The following TRAPPC9 variants were observed in gnomAD, a reference collection of about 807,000 sequenced individuals.
The protein encoded by TRAPPC9 is trafficking protein particle complex subunit 9, also known as IKK2 binding protein.
In TRAPPC9, 83 loss-of-function variants were observed where a neutral mutation model predicts 124.0. That is an observed-to-expected ratio of 0.67 (90% CI 0.56 to 0.80). The LOEUF is 0.80. TRAPPC9 is among the 30% of genes least tolerant of loss of function. The pLI, the probability that TRAPPC9 is intolerant of heterozygous loss-of-function variation, is 0.00. For missense variants in TRAPPC9, 1,302 were observed against 1,508.3 expected, an observed-to-expected ratio of 0.86 and a Z score of 2.27; for synonymous variants, 638 against 617.5, an observed-to-expected ratio of 1.03 and a Z score of -0.49.
At chr8:140,377,391 C>T (rs1354922706) in intron 7 of TRAPPC9, among the ~76,000 whole-genome samples, 1 of 152,126 alleles carries the variant, frequency 6.6e-6, no homozygotes, top group East Asian at 1.9e-4. Flanking sequence ...CTCTGCCTCC[C>T]AGGTTCAAAC....
intron 5 of TRAPPC9, among the ~76,000 whole-genome samples, chr8:140,411,193 T>C (rs1408566595): frequency 6.6e-6 from 1 of 152,180 alleles, no homozygotes; most frequent in Non-Finnish European, 1.5e-5. Context: ...TCAAAGGGCC[T>C]AGAATCAATG....
chr8:139,794,315 G>A (rs1329691282), intron 21 of TRAPPC9, among the ~76,000 whole-genome samples: 5 of 152,278 alleles, frequency 3.3e-5, no homozygotes, highest in East Asian at 1.9e-4. Flanking sequence ...GAAGCTGCCC[G>A]CACTTGTCCT....
Position 139,729,796 on chromosome 8 carries a change from C to T in TRAPPC9, c.*1265G>A, listed in dbSNP as rs937338238. 6.6e-6 allele frequency among the ~76,000 whole-genome samples: 1 copy of T among 152,164 alleles called. No individual in the cohort carries two copies. Among genetic ancestry groups the T allele is most frequent in the Middle Eastern group, 3.2e-3 (1 of 316 alleles). ...AGGCCAGGGCAGCCACTTCCTGGCT[C>T]TGCCTGTTTGGCCAACTGGCCTTTA... On this transcript the variant is annotated 3_prime_UTR_variant, in exon 23 of 23. Coordinates refer to ENST00000438773, the MANE Select transcript of TRAPPC9 (RefSeq NM_001160372.4).
At chr8:140,380,793 T>C (rs749327908) in intron 7 of TRAPPC9, among the ~76,000 whole-genome samples, 6 of 151,834 alleles carry the variant, frequency 4.0e-5, no homozygotes, top group Admixed American at 1.3e-4. Flanking sequence ...CAAGAAATCT[T>C]AATGACCTCG....
chr8:140,268,585 G>C (rs1187837045), intron 15 of TRAPPC9, among the ~76,000 whole-genome samples: 1 of 152,218 alleles, frequency 6.6e-6, no homozygotes, highest in East Asian at 1.9e-4. Flanking sequence ...CAAGAGCTGG[G>C]AAGGAGGAGG....
intron 17 of TRAPPC9, among the ~76,000 whole-genome samples, chr8:140,061,299 C>T (rs773794930): frequency 2.0e-5 from 1 of 49,654 alleles, no homozygotes; most frequent in African/African-American, 4.0e-5. Context: ...GGCTGCCCGG[C>T]AGCCTGTTGT....
At chr8:140,218,485 G>C (rs1205749227) in intron 17 of TRAPPC9, among the ~76,000 whole-genome samples, 1 of 152,038 alleles carries the variant, frequency 6.6e-6, no homozygotes, top group African/African-American at 2.4e-5. Flanking sequence ...AAGGGAGACT[G>C]TGGCATTTTA....
intron 9 of TRAPPC9, among the ~76,000 whole-genome samples, chr8:140,329,145 G>A (rs2066826523): frequency 6.6e-6 from 1 of 152,026 alleles, no homozygotes; most frequent in African/African-American, 2.4e-5. Context: ...AAAAACAGAG[G>A]GCCCAAGGAT....
intron 21 of TRAPPC9, among the ~76,000 whole-genome samples, chr8:139,843,552 A>G (rs898660): frequency 6.6e-6 from 1 of 152,212 alleles, no homozygotes; most frequent in Non-Finnish European, 1.5e-5. Flanking sequence ...TGGAGACAGG[A>G]AGCTCATCCT....
chr8:140,351,526 C>T (rs995573672), intron 9 of TRAPPC9, among the ~76,000 whole-genome samples: 9 of 151,986 alleles, frequency 5.9e-5, no homozygotes, highest in South Asian at 2.1e-4. Flanking sequence ...TCCAACACTT[C>T]GGGAGGCTGA....
intron 15 of TRAPPC9, among the ~76,000 whole-genome samples, chr8:140,272,354 A>ACAGTGGTGGTTGTG (rs1554658152): frequency 1.3e-5 from 1 of 74,726 alleles, no homozygotes; most frequent in Admixed American, 1.2e-4. Flanking sequence ...CACAGTGGAG[A>ACAGTGGTGGTTGTG]GAGTGGTGGT....
At chr8:139,830,892 G>T (rs1034715676) in intron 21 of TRAPPC9, among the ~76,000 whole-genome samples, 1 of 152,252 alleles carries the variant, frequency 6.6e-6, no homozygotes, top group Non-Finnish European at 1.5e-5. Context: ...GCTCTCCAGG[G>T]AGGCTGAACT....
At chr8:139,956,985 G>A (rs775230695) in intron 19 of TRAPPC9, among the ~76,000 whole-genome samples, 14 of 152,260 alleles carry the variant, frequency 9.2e-5, no homozygotes, top group African/African-American at 2.4e-4. Context: ...TGCTGCCTTC[G>A]AGCGGGAGGG....
intron 19 of TRAPPC9, among the ~76,000 whole-genome samples, chr8:139,949,750 T>G: frequency 6.7e-6 from 1 of 149,026 alleles, no homozygotes; most frequent in African/African-American, 2.5e-5. Flanking sequence ...GTGGGGGAAG[T>G]GGAAAGGGGG....
chr8:140,389,247 G>A (rs886984223), intron 7 of TRAPPC9, among the ~76,000 whole-genome samples: 1 of 152,154 alleles, frequency 6.6e-6, no homozygotes, highest in African/African-American at 2.4e-5. Context: ...GTGAGCCACC[G>A]TGCCTGGCAC....
Position 139,728,445 on chromosome 8 carries a change from A to G in TRAPPC9, c.*2616T>C, listed in dbSNP as rs997509898. ...CAACTGCTGGACTGTATTGCCAGGT[A>G]GCCAGTAGCGTGGGGCCCTGGAAGA... On this transcript the variant is annotated 3_prime_UTR_variant, in exon 23 of 23. Coordinates refer to ENST00000438773, the MANE Select transcript of TRAPPC9 (RefSeq NM_001160372.4). 2.0e-5 allele frequency among the ~76,000 whole-genome samples: 3 copies of G among 152,236 alleles called. No homozygotes were observed. The highest frequency in any genetic ancestry group is 1.9e-4 in the East Asian group (1 of 5,204).
intron 7 of TRAPPC9, among the ~76,000 whole-genome samples, chr8:140,382,977 C>T (rs925303734): frequency 6.6e-6 from 1 of 152,204 alleles, no homozygotes; most frequent in Admixed American, 6.5e-5. Context: ...TCCAGAGGAA[C>T]GATCAGGCAG....
chr8:139,765,525 A>G (rs1820525696), intron 21 of TRAPPC9, among the ~76,000 whole-genome samples: 1 of 152,186 alleles, frequency 6.6e-6, no homozygotes. Flanking sequence ...AGAGGATTAG[A>G]GTTAAGGGAA....
rs201233141 is a variant in TRAPPC9 at position 140,451,238 on chromosome 8, C to T, written c.136G>A (p.Val46Met). 9.2e-5 allele frequency: 149 copies of T among 1,613,886 alleles called. No homozygotes were observed. The highest frequency in any genetic ancestry group is 3.3e-4 in the Middle Eastern group (2 of 6,062). Residue 46 changes from valine (V) to methionine (M), a missense_variant, in exon 2 of 23, where the codon GTG (valine) becomes ATG (methionine). Around this residue, in one of 3 missense-constraint regions of TRAPPC9, gnomAD observed 657 missense variants for 811.2 expected, o/e 0.81. Coordinates refer to ENST00000438773, the MANE Select transcript of TRAPPC9 (RefSeq NM_001160372.4). ...TAGAGGACTCGCTGGGAGTCCCGCA[C>T]GCTGATCTGACTCACAGAGCAAATC... ...KRICSVSQIS[V>M]RDSQRVLYIR...
Sources: gnomAD v4.1 joint callset for allele counts (sites outside exome capture counted in the v4.1 genomes callset) on GRCh38, gnomAD v4.1.1 for gene constraint, gnomAD v4.1.1 regional missense constraint, MANE v1.5 for transcripts, NCBI Gene and HGNC (gene_info 2026-07-23, HGNC 2026-07-21) for gene names.